Variants in GRID2 observed in about 807,000 individuals in gnomAD.
GRID2 encodes the protein glutamate ionotropic receptor delta type subunit 2, also known as glutamate receptor ionotropic, delta-2.
A neutral mutation model predicts 114.8 loss-of-function variants in GRID2; 33 were observed. That is an observed-to-expected ratio of 0.29 (90% CI 0.22 to 0.38). GRID2 has a LOEUF of 0.38. GRID2 is among the 10% of genes least tolerant of loss of function. The probability of loss-of-function intolerance (pLI) is 1.00; values close to 1 mark genes in which losing one functional copy is unlikely to be tolerated. For synonymous variants in GRID2, 505 were observed against 449.9 expected, an observed-to-expected ratio of 1.12 and a Z score of -1.55; for missense variants, 1,184 against 1,257.7, an observed-to-expected ratio of 0.94 and a Z score of 0.89.
At position 93,608,692 on chromosome 4, in the gene GRID2, T is replaced by C. The variant is rs1030321808; in HGVS notation, c.2194-17577T>C. ...TTCCATGGTGTATATGTGCCCCATTTTCTTAATCTAGTCTATCATTGTTGG... is the reference window on the plus strand; with the variant it reads ...TTCCATGGTGTATATGTGCCCCATTCTCTTAATCTAGTCTATCATTGTTGG... On this transcript the variant is annotated intron_variant, in intron 13 of 15. Coordinates refer to ENST00000282020, the MANE Select transcript of GRID2 (RefSeq NM_001510.4). Among the ~76,000 whole-genome samples the C allele has an allele frequency of 2.8e-4, 39 of 137,992 alleles. 7 individuals carry two copies. The highest frequency in any genetic ancestry group is 3.8e-3 in the Middle Eastern group (1 of 264). The allele number at this position is 137,992 out of a possible 152,430, so 90.5% of individuals were successfully genotyped here.
intron 14 of GRID2, among the ~76,000 whole-genome samples, chr4:93,711,364 T>C (rs555198202): frequency 1.3e-5 from 2 of 152,142 alleles, no homozygotes; most frequent in African/African-American, 4.8e-5. Flanking sequence ...TGTCTAGAAA[T>C]GTTGTCTGGG....
intron 8 of GRID2, among the ~76,000 whole-genome samples, chr4:93,295,303 A>G (rs1444333306): frequency 6.6e-6 from 1 of 152,184 alleles, no homozygotes; most frequent in Non-Finnish European, 1.5e-5. Context: ...ATTAAGAGGT[A>G]AGAAATATGA....
intron 11 of GRID2, among the ~76,000 whole-genome samples, chr4:93,481,043 C>A (rs572999843): frequency 3.9e-5 from 6 of 152,178 alleles, no homozygotes; most frequent in African/African-American, 1.2e-4. Context: ...AATCCCAAAT[C>A]TGAAATCTTA....
chr4:92,923,296 A>T (rs1005365770), intron 2 of GRID2, among the ~76,000 whole-genome samples: 3 of 152,174 alleles, frequency 2.0e-5, no homozygotes, highest in African/African-American at 7.2e-5. Context: ...GTTTATGCTG[A>T]TAATTGAATA....
chr4:92,937,065 A>T (rs999990331), intron 2 of GRID2, among the ~76,000 whole-genome samples: 16 of 146,382 alleles, frequency 1.1e-4, no homozygotes, highest in African/African-American at 3.6e-4. Flanking sequence ...AAAGTTCTTT[A>T]TACTTTCTGC....
At chr4:93,371,920 G>C (rs1343414822) in intron 8 of GRID2, among the ~76,000 whole-genome samples, 8 of 151,458 alleles carry the variant, frequency 5.3e-5, no homozygotes, top group Admixed American at 2.0e-4. Context: ...GCTAATTTTT[G>C]TATTCTTAGT....
chr4:93,011,238 A>G (rs780422739), intron 2 of GRID2, among the ~76,000 whole-genome samples: 5 of 150,590 alleles, frequency 3.3e-5, no homozygotes, highest in Non-Finnish European at 7.4e-5. Flanking sequence ...TTTTCTTTCT[A>G]TAAATTTGTA....
intron 2 of GRID2, among the ~76,000 whole-genome samples, chr4:92,778,871 A>C (rs1389451741): frequency 6.6e-6 from 1 of 152,058 alleles, no homozygotes; most frequent in Non-Finnish European, 1.5e-5. Flanking sequence ...CTTAAAGATA[A>C]TCTATTATAA....
At chr4:92,823,342 TA>T (rs1237516145) in intron 2 of GRID2, among the ~76,000 whole-genome samples, 2 of 152,180 alleles carry the variant, frequency 1.3e-5, no homozygotes, top group Non-Finnish European at 2.9e-5. Flanking sequence ...GCTTATCTCT[TA>T]TTTGCTGCCA....
intron 10 of GRID2, among the ~76,000 whole-genome samples, chr4:93,438,081 C>G (rs992635376): frequency 6.6e-6 from 1 of 152,018 alleles, no homozygotes; most frequent in Non-Finnish European, 1.5e-5. Context: ...CAGCAGAATG[C>G]CCTAAATTCA....
chr4:92,351,076 T>G (rs146705578), intron 1 of GRID2, among the ~76,000 whole-genome samples: 154 of 152,038 alleles, frequency 1.0e-3, no homozygotes, highest in African/African-American at 3.5e-3. Context: ...CATTCATCAG[T>G]TGATGAAAAT....
chr4:93,020,845 C>G (rs1723209167), intron 2 of GRID2, among the ~76,000 whole-genome samples: 1 of 151,876 alleles, frequency 6.6e-6, no homozygotes, highest in South Asian at 2.1e-4. Flanking sequence ...CCAGCCCGAC[C>G]AACATGGCAA....
At position 93,409,606 on chromosome 4, in the gene GRID2, C is replaced by A. The variant is rs573910977; in HGVS notation, c.1348-13165C>A. On this transcript the variant is annotated intron_variant, in intron 9 of 15. Coordinates refer to ENST00000282020, the MANE Select transcript of GRID2 (RefSeq NM_001510.4). ...AAAGAGAAAGCAACAGGCACACACACACTGAGAGAGAGATTTTGACACGAC... is the reference window on the plus strand; with the variant it reads ...AAAGAGAAAGCAACAGGCACACACAAACTGAGAGAGAGATTTTGACACGAC... Among the ~76,000 whole-genome samples, 4 of 152,288 alleles carry A rather than the reference C, an allele frequency of 2.6e-5. No homozygotes were observed. In the East Asian group the frequency reaches 7.7e-4, roughly 29 times the overall value.
At chr4:92,542,779 T>G (rs1726041934) in intron 1 of GRID2, among the ~76,000 whole-genome samples, 1 of 151,856 alleles carries the variant, frequency 6.6e-6, no homozygotes, top group Non-Finnish European at 1.5e-5. Context: ...ACTATTGAAA[T>G]AAAAATTTAA....
At chr4:92,975,722 A>T (rs1753831614) in intron 2 of GRID2, among the ~76,000 whole-genome samples, 1 of 152,164 alleles carries the variant, frequency 6.6e-6, no homozygotes. Flanking sequence ...ATAGCACAGC[A>T]GCATATCAAG....
intron 1 of GRID2, among the ~76,000 whole-genome samples, chr4:92,385,029 T>A (rs557369544): frequency 1.3e-5 from 2 of 151,752 alleles, no homozygotes; most frequent in Non-Finnish European, 2.9e-5. Context: ...CACATATAAT[T>A]TGTCTTTTAA....
intron 2 of GRID2, among the ~76,000 whole-genome samples, chr4:92,907,603 T>A (rs1185846546): frequency 1.3e-5 from 2 of 151,890 alleles, no homozygotes; most frequent in Non-Finnish European, 2.9e-5. Flanking sequence ...TAGAGATGGG[T>A]TTCTCCATGC....
At chr4:93,070,703 T>C (rs1278858285) in intron 2 of GRID2, among the ~76,000 whole-genome samples, 1 of 152,078 alleles carries the variant, frequency 6.6e-6, no homozygotes, top group Non-Finnish European at 1.5e-5. Context: ...CCATTTAAGT[T>C]CATTTTAAAC....
intron 1 of GRID2, among the ~76,000 whole-genome samples, chr4:92,310,674 G>T (rs192315060): frequency 6.6e-6 from 1 of 152,032 alleles, no homozygotes; most frequent in East Asian, 1.9e-4. Flanking sequence ...ATAGCTAATT[G>T]AATACATTGG....
Sources: gnomAD v4.1 joint callset for allele counts (sites outside exome capture counted in the v4.1 genomes callset) on GRCh38, gnomAD v4.1.1 for gene constraint, MANE v1.5 for transcripts, NCBI Gene and HGNC (gene_info 2026-07-23, HGNC 2026-07-21) for gene names.